Variants in EMILIN2 observed in about 807,000 individuals in gnomAD.
The protein encoded by EMILIN2 is EMILIN-2.
In EMILIN2, 71 loss-of-function variants were observed where a neutral mutation model predicts 87.1. The observed-to-expected ratio is 0.82, with a 90% CI of 0.67 to 0.99. The LOEUF (loss-of-function observed/expected upper bound fraction) is 0.99, where lower values mean the gene tolerates loss of function less well. Among genes scored for constraint, EMILIN2 ranks in the 50% least tolerant of loss-of-function variants. EMILIN2 has a pLI of 0.00. For synonymous variants in EMILIN2, 581 were observed against 563.4 expected (o/e 1.03, Z -0.44); for missense variants, 1,407 against 1,371.8 (o/e 1.03, Z -0.40).
chr18:2,862,160 A>C (rs2076664178), intron 2 of EMILIN2, among the ~76,000 whole-genome samples: 1 of 152,188 alleles, frequency 6.6e-6, no homozygotes, highest in Non-Finnish European at 1.5e-5. Context: ...TTCTAGATAT[A>C]CAATCATGTC....
intron 2 of EMILIN2, among the ~76,000 whole-genome samples, chr18:2,877,808 C>T (rs2076757199): frequency 6.6e-6 from 1 of 151,950 alleles, no homozygotes; most frequent in East Asian, 1.9e-4. Context: ...AAAACCAGTC[C>T]ACTGTCTTGC....
chr18:2,912,007 T>A (rs2076943092), intron 7 of EMILIN2, among the ~76,000 whole-genome samples: 1 of 150,894 alleles, frequency 6.6e-6, no homozygotes, highest in Non-Finnish European at 1.5e-5. Context: ...CAGAGCAGAT[T>A]GAAGGCTTGG....
chr18:2,900,179 CATTT>C (rs1313033255), intron 4 of EMILIN2, among the ~76,000 whole-genome samples: 8 of 151,664 alleles, frequency 5.3e-5, no homozygotes, highest in East Asian at 1.9e-4. Context: ...TTCATTCATT[CATTT>C]ATTTATTTAC....
upstream of EMILIN2, among the ~76,000 whole-genome samples, chr18:2,846,605 C>G (rs2143937219): frequency 6.6e-6 from 1 of 152,296 alleles, no homozygotes; most frequent in East Asian, 1.9e-4. The surrounding 1 kb of genome is among the most constrained non-coding windows in gnomAD (Gnocchi z 5.3). Flanking sequence ...TCGAGTCGAG[C>G]CCCCACTCCT....
rs770830668 is a variant in EMILIN2, at chr18:2,891,225, A to G, written c.1098A>G (p.Ile366Met). ...ATGGGAGCAGCTACCTGGGAGTGAT[A>G]GAGCTCATAGGGGAGAAGGAAACAA... ...DDYGSSYLGV[I>M]ELIGEKETSL... Residue 366 changes from isoleucine (I) to methionine (M), a missense_variant, in exon 4 of 8, where the codon ATA becomes ATG. Coordinates refer to ENST00000254528, the MANE Select transcript of EMILIN2 (RefSeq NM_032048.3). This position sits in a 1 kb window ranked among gnomAD's most constrained non-coding sequence, Gnocchi z 4.6. 14 of 1,614,090 alleles carry G rather than the reference A, an allele frequency of 8.7e-6. No individual in the cohort carries two copies. The Admixed American group carries it at 2.2e-4, about 25-fold the overall frequency.
In EMILIN2 at chr18:2,898,649, G is replaced by A. The variant is rs549670781; in HGVS notation, c.2359+6163G>A. 2.0e-4 allele frequency among the ~76,000 whole-genome samples: 30 copies of A among 152,232 alleles called. No homozygotes were observed. The South Asian group carries it at 2.1e-3, about 11-fold the overall frequency. On this transcript the variant is annotated intron_variant, in intron 4 of 7. Transcript: ENST00000254528. The stretch of plus-strand genomic sequence containing the variant: ...GTCTCTGAGTAATTTTCATCATAGC[G>A]TTTCTTTTAGGAGTGCTGCAGGTTT...
At chr18:2,876,329 A>G (rs2076747679) in intron 2 of EMILIN2, among the ~76,000 whole-genome samples, 2 of 152,068 alleles carry the variant, frequency 1.3e-5, no homozygotes, top group African/African-American at 2.4e-5. Context: ...TGATAAGGAA[A>G]TTAATTCAAG....
At chr18:2,861,887 T>C (rs1253954837) in intron 2 of EMILIN2, among the ~76,000 whole-genome samples, 1 of 152,230 alleles carries the variant, frequency 6.6e-6, no homozygotes, top group African/African-American at 2.4e-5. Flanking sequence ...CTTCCATTTG[T>C]TTGTATCCTC....
At chr18:2,889,961 A>C (rs1055216785) in intron 3 of EMILIN2, among the ~76,000 whole-genome samples, 12 of 152,188 alleles carry the variant, frequency 7.9e-5, no homozygotes, top group Admixed American at 6.5e-5. Context: ...AGCAGGGCTA[A>C]ACAATGTCTG....
At chr18:2,878,933 A>G (rs2076763181) in intron 2 of EMILIN2, among the ~76,000 whole-genome samples, 1 of 152,160 alleles carries the variant, frequency 6.6e-6, no homozygotes, top group Non-Finnish European at 1.5e-5. Flanking sequence ...CAAGGGGGCA[A>G]CGGGTTTTGG....
chr18:2,911,083 G>A (rs917453283), intron 7 of EMILIN2, among the ~76,000 whole-genome samples: 1 of 151,274 alleles, frequency 6.6e-6, no homozygotes, highest in Non-Finnish European at 1.5e-5. Flanking sequence ...CAAGGGGCAT[G>A]AGGCAGAGTG....
chr18:2,887,478 A>C (rs1465939606), intron 3 of EMILIN2, among the ~76,000 whole-genome samples: 2 of 102,616 alleles, frequency 1.9e-5, no homozygotes, highest in East Asian at 5.1e-4. Flanking sequence ...TTGCGGTAAT[A>C]AATGAGTTCT....
intron 3 of EMILIN2, among the ~76,000 whole-genome samples, chr18:2,886,579 A>G (rs894470738): frequency 1.3e-5 from 2 of 152,158 alleles, no homozygotes; most frequent in Non-Finnish European, 2.9e-5. Flanking sequence ...TCCTCAACAC[A>G]TGGCTCCTAT....
chr18:2,895,490 G>T (rs897498019), intron 4 of EMILIN2, among the ~76,000 whole-genome samples: 2 of 152,210 alleles, frequency 1.3e-5, no homozygotes, highest in African/African-American at 4.8e-5. Flanking sequence ...TTATTCTGTA[G>T]GTCAGGAACC....
At chr18:2,852,944 T>C (rs1304536507) in intron 2 of EMILIN2, among the ~76,000 whole-genome samples, 1 of 152,222 alleles carries the variant, frequency 6.6e-6, no homozygotes, top group Non-Finnish European at 1.5e-5. Flanking sequence ...CTCTGGATCC[T>C]CCGGGCACAG....
At chr18:2,897,630 C>T (rs1476712603) in intron 4 of EMILIN2, among the ~76,000 whole-genome samples, 1 of 152,156 alleles carries the variant, frequency 6.6e-6, no homozygotes, top group Non-Finnish European at 1.5e-5. Flanking sequence ...CTTTGGGAGG[C>T]CAAGGCAGCA....
intron 2 of EMILIN2, among the ~76,000 whole-genome samples, chr18:2,865,201 CCTT>C (rs891460913): frequency 3.0e-4 from 46 of 151,858 alleles, no homozygotes; most frequent in South Asian, 1.0e-3. Context: ...TCTTCTGAAG[CCTT>C]CTTCTCTCAA....
chr18:2,889,692 CTTTTTTTTTTTT>C (rs34248672), intron 3 of EMILIN2, among the ~76,000 whole-genome samples: 2 of 96,666 alleles, frequency 2.1e-5, no homozygotes, highest in African/African-American at 8.1e-5. Flanking sequence ...TTTTTCTTTT[CTTTTTTTTTTTT>C]TTTTTTTTTT....
intron 4 of EMILIN2, chr18:2,906,482 G>T (rs2076912631): frequency 7.9e-6 from 1 of 126,802 alleles, no homozygotes; most frequent in Non-Finnish European, 1.2e-5. Flanking sequence ...CTGTGAAATC[G>T]GGAATTGTTG....
Sources: allele counts gnomAD v4.1 joint callset (sites outside exome capture counted in the v4.1 genomes callset), GRCh38; gene constraint gnomAD v4.1.1; non-coding constraint Gnocchi (gnomAD v3.1); transcripts MANE v1.5; gene names NCBI Gene and HGNC (gene_info 2026-07-23, HGNC 2026-07-21).